Variants in DCLK1 observed in about 807,000 individuals in gnomAD.
DCLK1 encodes the protein doublecortin like kinase 1.
Under a neutral mutation model 86.2 loss-of-function variants are expected in DCLK1, and 16 were observed. The ratio of observed to expected loss-of-function variants is 0.19; its 90% CI spans 0.13 to 0.28. The LOEUF is 0.28. DCLK1 is among the 10% of genes least tolerant of loss of function. The pLI, the probability that DCLK1 is intolerant of heterozygous loss-of-function variation, is 1.00. For missense variants in DCLK1, 590 were observed against 940.2 expected (o/e 0.63, Z 4.87); for synonymous variants, 369 against 370.5 (o/e 1.00, Z 0.05).
At chr13:35,981,304 T>C (rs546573970) in intron 3 of DCLK1, among the ~76,000 whole-genome samples, 2 of 152,130 alleles carry the variant, frequency 1.3e-5, no homozygotes, top group Non-Finnish European at 2.9e-5. Context: ...TGTGTCAGAA[T>C]TTCCTTGCTT....
At chr13:36,006,288 A>G (rs1171622243) in intron 3 of DCLK1, among the ~76,000 whole-genome samples, 6 of 152,240 alleles carry the variant, frequency 3.9e-5, no homozygotes, top group Non-Finnish European at 4.4e-5. Context: ...CGTACCAAGG[A>G]GCTGGGAGAC....
chr13:35,897,464 T>C (rs1244615354), intron 4 of DCLK1, among the ~76,000 whole-genome samples: 1 of 152,092 alleles, frequency 6.6e-6, no homozygotes, highest in Non-Finnish European at 1.5e-5. Context: ...GCTCCATAAA[T>C]AGCCAAGGGG....
intron 3 of DCLK1, among the ~76,000 whole-genome samples, chr13:35,981,919 A>G (rs1418947742): frequency 2.6e-5 from 4 of 152,116 alleles, no homozygotes; most frequent in African/African-American, 9.7e-5. Context: ...AGTGTACAAG[A>G]GTTCCAAATT....
At chr13:35,949,167 A>T (rs1877536439) in intron 3 of DCLK1, among the ~76,000 whole-genome samples, 1 of 152,254 alleles carries the variant, frequency 6.6e-6, no homozygotes, top group African/African-American at 2.4e-5. Flanking sequence ...AGTGTGGATG[A>T]TTAATACGTT....
At chr13:36,007,358 G>C (rs1336579033) in intron 3 of DCLK1, among the ~76,000 whole-genome samples, 2 of 152,190 alleles carry the variant, frequency 1.3e-5, no homozygotes, top group Admixed American at 6.5e-5. Context: ...TTCTAGAATA[G>C]TGTTAGTAGG....
chr13:35,876,147 T>C (rs1470586269), intron 4 of DCLK1, among the ~76,000 whole-genome samples: 1 of 152,130 alleles, frequency 6.6e-6, no homozygotes, highest in Non-Finnish European at 1.5e-5. Flanking sequence ...TATCAAATGT[T>C]TAGTATATCA....
chr13:35,891,952 TTATATAA>T (rs1873671515), intron 4 of DCLK1, among the ~76,000 whole-genome samples: 1 of 152,196 alleles, frequency 6.6e-6, no homozygotes, highest in Admixed American at 6.5e-5. Flanking sequence ...ATTCCTGGGA[TTATATAA>T]TCTTACCGCA....
intron 5 of DCLK1, among the ~76,000 whole-genome samples, chr13:35,869,913 A>G (rs1674333202): frequency 6.6e-6 from 1 of 152,162 alleles, no homozygotes. Context: ...CTTAGTCAGA[A>G]TCTCAGGGTG....
At chr13:36,115,377 A>G (rs1352170564) in intron 2 of DCLK1, among the ~76,000 whole-genome samples, 1 of 152,122 alleles carries the variant, frequency 6.6e-6, no homozygotes, top group Non-Finnish European at 1.5e-5. Context: ...TTTGAGCAAA[A>G]CAGCCCAAAA....
At chr13:35,939,817 G>A (rs1250238533) in intron 4 of DCLK1, among the ~76,000 whole-genome samples, 1 of 152,196 alleles carries the variant, frequency 6.6e-6, no homozygotes, top group Non-Finnish European at 1.5e-5. Flanking sequence ...CAGATGCAAT[G>A]TAAACAGGCC....
intron 13 of DCLK1, 124 bp from the exon 14 acceptor site, chr13:35,808,444 A>C (rs1056790298): frequency 1.2e-6 from 1 of 847,306 alleles, no homozygotes; most frequent in African/African-American, 1.7e-5. Flanking sequence ...GTGTATTTTT[A>C]ATCGATTGAA....
chr13:36,103,084 GTTGT>G (rs371717197), intron 3 of DCLK1, among the ~76,000 whole-genome samples: 4 of 152,226 alleles, frequency 2.6e-5, no homozygotes, highest in Admixed American at 6.5e-5. Flanking sequence ...TGTTGTTATT[GTTGT>G]TTGTTTGTTT....
chr13:35,991,901 T>C (rs538573126), intron 3 of DCLK1, among the ~76,000 whole-genome samples: 4 of 152,240 alleles, frequency 2.6e-5, no homozygotes, highest in East Asian at 1.9e-4. Context: ...GCTAGGAAGA[T>C]CTTATACACG....
chr13:35,894,395 T>G (rs927313877), intron 4 of DCLK1, among the ~76,000 whole-genome samples: 2 of 152,198 alleles, frequency 1.3e-5, no homozygotes, highest in African/African-American at 2.4e-5. Flanking sequence ...AGCCCAAGCG[T>G]GTATTCCCAG....
chr13:36,074,329 C>T (rs1884089240), intron 3 of DCLK1, among the ~76,000 whole-genome samples: 1 of 151,738 alleles, frequency 6.6e-6, no homozygotes, highest in Admixed American at 6.6e-5. Flanking sequence ...AGTGAAACCC[C>T]ATCTCTACTA....
At chr13:36,113,349 T>C (rs1885677434) in intron 2 of DCLK1, among the ~76,000 whole-genome samples, 1 of 152,224 alleles carries the variant, frequency 6.6e-6, no homozygotes, top group Admixed American at 6.5e-5. Context: ...GTTCTTAAAA[T>C]ATTCTCTAAT....
chr13:35,964,325 C>T (rs377639802), intron 3 of DCLK1, among the ~76,000 whole-genome samples: 1 of 152,084 alleles, frequency 6.6e-6, no homozygotes, highest in African/African-American at 2.4e-5. Context: ...AAAAAAGAAA[C>T]AATTTTCACT....
chr13:36,089,129 C>T (rs941496805), intron 3 of DCLK1, among the ~76,000 whole-genome samples: 1 of 152,170 alleles, frequency 6.6e-6, no homozygotes, highest in African/African-American at 2.4e-5. Context: ...TTTTGCCAGA[C>T]TCATTAAAAT....
At chr13:36,028,555 G>C (rs1043568490) in intron 3 of DCLK1, among the ~76,000 whole-genome samples, 6 of 152,140 alleles carry the variant, frequency 3.9e-5, no homozygotes, top group African/African-American at 1.2e-4. Context: ...CCTGGGAAAT[G>C]CTCATCTTAT....
Sources: allele counts gnomAD v4.1 joint callset (sites outside exome capture counted in the v4.1 genomes callset), GRCh38; gene constraint gnomAD v4.1.1; transcripts MANE v1.5; gene names NCBI Gene and HGNC (gene_info 2026-07-23, HGNC 2026-07-21).